Variants in AGBL1 observed in about 807,000 individuals in gnomAD.
AGBL1 encodes the protein AGBL carboxypeptidase 1, also known as cytosolic carboxypeptidase 4.
Under a neutral mutation model 118.9 loss-of-function variants are expected in AGBL1, and 130 were observed. That is an observed-to-expected ratio of 1.09 (90% CI 0.95 to 1.26). The LOEUF is 1.26. AGBL1 is among the 50% of genes most tolerant of loss of function. The probability of loss-of-function intolerance (pLI) is 0.00; values close to 1 mark genes in which losing one functional copy is unlikely to be tolerated. For missense variants in AGBL1, 1,584 were observed against 1,298.1 expected (o/e 1.22, Z -3.38); for synonymous variants, 555 against 478.9 (o/e 1.16, Z -2.08).
At chr15:86,980,099 A>T (rs1418051832) in intron 23 of AGBL1, among the ~76,000 whole-genome samples, 1 of 152,160 alleles carries the variant, frequency 6.6e-6, no homozygotes. Context: ...ATCTTATTTG[A>T]TTTTAACCTC....
chr15:86,358,183 C>T (rs1286340072), intron 17 of AGBL1, among the ~76,000 whole-genome samples: 3 of 152,008 alleles, frequency 2.0e-5, no homozygotes, highest in African/African-American at 4.8e-5. Context: ...AATATCTCCC[C>T]ATTTCCCCCA....
chr15:86,556,120 G>A, intron 21 of AGBL1: 1 of 884,848 alleles, frequency 1.1e-6, no homozygotes, highest in Non-Finnish European at 1.8e-6. Flanking sequence ...GTAAGTATCA[G>A]TGCCATTCAC....
At chr15:86,194,004 G>A (rs1005538411) in intron 5 of AGBL1, among the ~76,000 whole-genome samples, 1 of 152,172 alleles carries the variant, frequency 6.6e-6, no homozygotes, top group African/African-American at 2.4e-5. Context: ...CAGAATCTTT[G>A]TAGAGTCATA....
At chr15:86,496,409 C>T (rs1181535440) in intron 18 of AGBL1, among the ~76,000 whole-genome samples, 1 of 151,994 alleles carries the variant, frequency 6.6e-6, no homozygotes, top group Non-Finnish European at 1.5e-5. Flanking sequence ...TTGATTAATA[C>T]ACAGTGTTTT....
intron 22 of AGBL1, among the ~76,000 whole-genome samples, chr15:86,825,894 TAGATAGATAG>T (rs2079005356): frequency 6.7e-5 from 1 of 14,824 alleles, no homozygotes; most frequent in Admixed American, 1.1e-3. Context: ...GATGGATAGA[TAGATAGATAG>T]ATAGATAGAT....
chr15:86,257,422 T>A (rs1477446883), intron 8 of AGBL1, among the ~76,000 whole-genome samples: 1 of 152,238 alleles, frequency 6.6e-6, no homozygotes, highest in Non-Finnish European at 1.5e-5. Flanking sequence ...CTAGTCATAT[T>A]GGAATATTTG....
chr15:86,546,222 T>TGG, intron 20 of AGBL1, 89 bp downstream of exon 20: 2 of 639,006 alleles, frequency 3.1e-6, no homozygotes, highest in South Asian at 1.1e-4. Flanking sequence ...ATTTATTTAG[T>TGG]TTTTTTTTTT....
chr15:87,018,677 CA>C (rs1596746602), intron 24 of AGBL1, among the ~76,000 whole-genome samples: 1 of 151,706 alleles, frequency 6.6e-6, no homozygotes, highest in East Asian at 1.9e-4. Flanking sequence ...CTGAAGTACA[CA>C]GAACAGTGAC....
At chr15:86,990,009 C>T (rs567308787) in intron 24 of AGBL1, among the ~76,000 whole-genome samples, 1 of 152,294 alleles carries the variant, frequency 6.6e-6, no homozygotes, top group African/African-American at 2.4e-5. Context: ...TCAGATGCTT[C>T]ATTCCAGGGT....
chr15:86,091,798 A>G lies in AGBL1; in HGVS notation c.51+11775A>G, dbSNP rs1039084210. 4.6e-5 allele frequency among the ~76,000 whole-genome samples: 7 copies of G among 152,190 alleles called. 1 individual carries two copies. The South Asian group carries it at 6.2e-4, about 14-fold the overall frequency. ...ATCTCACAATTTTTTTTCCAATTAT[A>G]TATCTCTCATGTATCTGTACTGGAC... On this transcript the variant is annotated intron_variant, in intron 1 of 22. Transcript: ENST00000614907.
intron 22 of AGBL1, among the ~76,000 whole-genome samples, chr15:86,788,871 G>A (rs2078452149): frequency 2.6e-5 from 4 of 152,138 alleles, no homozygotes; most frequent in African/African-American, 9.7e-5. Context: ...CCAAAAAAAA[G>A]CAAGTGCAAA....
intron 22 of AGBL1, among the ~76,000 whole-genome samples, chr15:86,843,515 G>A (rs2079275127): frequency 1.3e-5 from 2 of 151,472 alleles, no homozygotes; most frequent in Non-Finnish European, 2.9e-5. Flanking sequence ...TCAAGACCCC[G>A]TTTTTTTTTG....
intron 5 of AGBL1, among the ~76,000 whole-genome samples, chr15:86,210,787 T>C (rs2078080802): frequency 6.6e-6 from 1 of 152,072 alleles, no homozygotes; most frequent in Non-Finnish European, 1.5e-5. Flanking sequence ...GGGAAGTTTG[T>C]TATTACTGAC....
chr15:86,691,451 C>A (rs2086169914), intron 22 of AGBL1, among the ~76,000 whole-genome samples: 1 of 152,018 alleles, frequency 6.6e-6, no homozygotes, highest in Non-Finnish European at 1.5e-5. Flanking sequence ...CTTTGTTTCT[C>A]TGCATTGGCC....
intron 6 of AGBL1, among the ~76,000 whole-genome samples, chr15:86,229,945 G>A (rs948722048): frequency 6.6e-6 from 1 of 152,180 alleles, no homozygotes; most frequent in Non-Finnish European, 1.5e-5. Context: ...TCCAATTTAA[G>A]AATTAGCATT....
intron 7 of AGBL1, among the ~76,000 whole-genome samples, chr15:86,253,603 G>A (rs914479553): frequency 2.0e-5 from 3 of 152,244 alleles, no homozygotes; most frequent in East Asian, 3.9e-4. Flanking sequence ...TAAAGGGATA[G>A]GGAGGGCCAG....
chr15:86,177,739 A>T (rs2077500531), intron 5 of AGBL1, among the ~76,000 whole-genome samples: 1 of 152,208 alleles, frequency 6.6e-6, no homozygotes, highest in African/African-American at 2.4e-5. Flanking sequence ...AGTATCTTGA[A>T]CTGAATGAAA....
chr15:86,546,245 G>A (rs1453882149), intron 20 of AGBL1, 112 bp downstream of exon 20: 10 of 1,168,024 alleles, frequency 8.6e-6, no homozygotes, highest in South Asian at 4.6e-5. Context: ...TTGTAAATAA[G>A]CATTTTAATT....
At chr15:86,334,580 T>C (rs1377740559) in intron 17 of AGBL1, among the ~76,000 whole-genome samples, 1 of 152,228 alleles carries the variant, frequency 6.6e-6, no homozygotes. Context: ...ATGGCCATAC[T>C]GCCTAAAGCA....
Sources: allele counts gnomAD v4.1 joint callset (sites outside exome capture counted in the v4.1 genomes callset), GRCh38; gene constraint gnomAD v4.1.1; transcripts MANE v1.5; gene names NCBI Gene and HGNC (gene_info 2026-07-23, HGNC 2026-07-21).